The following ATG10 variants were observed in gnomAD, a reference collection of about 807,000 sequenced individuals.
ATG10 encodes the protein autophagy related 10.
Under a neutral mutation model 32.1 loss-of-function variants are expected in ATG10, and 30 were observed. That is an observed-to-expected ratio of 0.94 (90% confidence interval 0.70 to 1.27). ATG10 has a LOEUF of 1.27. Ranked by LOEUF, ATG10 falls within the 50% of genes most tolerant of loss-of-function variation. The pLI, the probability that ATG10 is intolerant of heterozygous loss-of-function variation, is 0.00. For synonymous variants in ATG10, 87 were observed against 91.5 expected (o/e 0.95, Z 0.28); for missense variants, 233 against 262.3 (o/e 0.89, Z 0.77).
intron 3 of ATG10, among the ~76,000 whole-genome samples, chr5:82,138,605 A>C (rs1436870008): frequency 6.6e-6 from 1 of 152,102 alleles, no homozygotes; most frequent in Non-Finnish European, 1.5e-5. Context: ...TTGGAAATGC[A>C]GAAATCACCT....
chr5:82,135,526 G>A (rs1016266585), intron 3 of ATG10, among the ~76,000 whole-genome samples: 22 of 152,204 alleles, frequency 1.4e-4, no homozygotes, highest in African/African-American at 5.1e-4. Context: ...TTTGCATGTA[G>A]TTGTGTGGTT....
chr5:82,010,861 G>A lies in ATG10; in HGVS notation c.108+23183G>A, dbSNP rs577270892. 5.3e-5 allele frequency among the ~76,000 whole-genome samples: 8 copies of A among 152,142 alleles called. No homozygotes were observed. In the South Asian group the frequency reaches 1.7e-3, roughly 31 times the overall value. ...CAATTGCTTGTGTTCTAGTTTTACA[G>A]CATTCTTTTTATGCACACAGTGTTC... is the stretch of plus-strand genomic sequence containing the variant. On this transcript the variant is annotated intron_variant, in intron 2 of 7. Transcript: ENST00000282185.
At chr5:82,131,122 G>C (rs1766502140) in intron 3 of ATG10, among the ~76,000 whole-genome samples, 1 of 152,108 alleles carries the variant, frequency 6.6e-6, no homozygotes, top group South Asian at 2.1e-4. Flanking sequence ...AGGAACTACT[G>C]CCTGGGTCAC....
At chr5:82,091,852 G>A (rs72776864) in intron 3 of ATG10, among the ~76,000 whole-genome samples, 3,989 of 152,232 alleles carry the variant, frequency 0.026, 77 homozygotes, top group Middle Eastern at 0.044. Flanking sequence ...TCAGGGAGCT[G>A]TAGAAACCAT....
chr5:81,972,563 C>T (rs913722862), intron 1 of ATG10: 1 of 152,242 alleles, frequency 6.6e-6, no homozygotes, highest in Non-Finnish European at 1.5e-5. Flanking sequence ...CACCAGCACA[C>T]CTGGCCCAGT....
intron 2 of ATG10, among the ~76,000 whole-genome samples, chr5:82,017,104 T>C (rs953195921): frequency 6.6e-6 from 1 of 152,168 alleles, no homozygotes; most frequent in East Asian, 1.9e-4. Flanking sequence ...TAGTTTTCCT[T>C]GTAGAGATCT....
intron 3 of ATG10, among the ~76,000 whole-genome samples, chr5:82,100,125 C>T (rs1462256376): frequency 1.4e-5 from 2 of 142,968 alleles, no homozygotes; most frequent in Admixed American, 1.5e-4. Context: ...TCTCCTGCTT[C>T]AGACTCCTGA....
chr5:82,102,635 CTTT>C (rs1200960581), intron 3 of ATG10, among the ~76,000 whole-genome samples: 6 of 152,252 alleles, frequency 3.9e-5, no homozygotes, highest in African/African-American at 1.2e-4. Flanking sequence ...GAGTTGGGCT[CTTT>C]TAAAGACTTA....
At chr5:82,061,791 T>C (rs1056547873) in intron 3 of ATG10, among the ~76,000 whole-genome samples, 2 of 134,424 alleles carry the variant, frequency 1.5e-5, no homozygotes, top group South Asian at 2.4e-4. Context: ...TATATATATA[T>C]ACGTATACAT....
chr5:82,046,553 T>G (rs1273975384), intron 2 of ATG10, among the ~76,000 whole-genome samples: 1 of 152,126 alleles, frequency 6.6e-6, no homozygotes, highest in Non-Finnish European at 1.5e-5. Context: ...AAAGCAAATG[T>G]TTGTTGTTTT....
rs932670403 is a variant in ATG10 at position 82,026,209 on chromosome 5, G to A, written c.109-32286G>A. Among the ~76,000 whole-genome samples the A allele has an allele frequency of 1.7e-4, 26 of 151,986 alleles. 1 individual carries two copies. Among genetic ancestry groups the A allele is most frequent in the Admixed American group, 1.4e-3 (22 of 15,242 alleles). On this transcript the variant is annotated intron_variant, in intron 2 of 7. Coordinates refer to ENST00000282185, the MANE Select transcript of ATG10 (RefSeq NM_031482.5). The stretch of plus-strand genomic sequence containing the variant: ...TGTCTCTGTGAATTTGACTACTTTC[G>A]GTAACTCATATAAATGGATTCATAT...
intron 5 of ATG10, among the ~76,000 whole-genome samples, chr5:82,200,926 G>A (rs948017016): frequency 4.7e-5 from 7 of 149,622 alleles, no homozygotes; most frequent in Admixed American, 4.7e-4. Context: ...GTCTCTCTCT[G>A]TCACCCAGGC....
intron 3 of ATG10, among the ~76,000 whole-genome samples, chr5:82,061,104 C>T (rs572852002): frequency 1.3e-5 from 2 of 152,212 alleles, no homozygotes; most frequent in South Asian, 2.1e-4. Flanking sequence ...TGTAAGCTTC[C>T]ATTACTGCTG....
chr5:82,039,322 A>T (rs1325340826), intron 2 of ATG10, among the ~76,000 whole-genome samples: 1 of 152,210 alleles, frequency 6.6e-6, no homozygotes, highest in Admixed American at 6.5e-5. Context: ...GGAGAGAAGC[A>T]GGGAATTAAG....
Position 82,204,987 on chromosome 5 carries a change from A to G in ATG10, c.453+26400A>G, listed in dbSNP as rs538058225. 1.1e-4 allele frequency among the ~76,000 whole-genome samples: 17 copies of G among 152,346 alleles called. No homozygotes were observed. In the East Asian group the frequency reaches 2.5e-3, roughly 22 times the overall value. ...AAAAATAGCCTAAGAGATAATTTTG[A>G]AGCATATCATCATTTAAAAGAACAG... On this transcript the variant is annotated intron_variant, in intron 5 of 7. Coordinates refer to ENST00000282185, the MANE Select transcript of ATG10 (RefSeq NM_031482.5).
At chr5:82,189,817 G>T (rs946267821) in intron 5 of ATG10, among the ~76,000 whole-genome samples, 2 of 151,982 alleles carry the variant, frequency 1.3e-5, no homozygotes, top group East Asian at 1.9e-4. Context: ...TAGAGATGGG[G>T]TTTCACCATG....
intron 2 of ATG10, among the ~76,000 whole-genome samples, chr5:82,017,925 CATA>C (rs1334042391): frequency 6.6e-6 from 1 of 152,128 alleles, no homozygotes; most frequent in Admixed American, 6.5e-5. Flanking sequence ...CCCACAGTCT[CATA>C]ATATTAGTGC....
chr5:82,009,767 G>A (rs80340327), intron 2 of ATG10: 1 of 1,606,342 alleles, frequency 6.2e-7, no homozygotes, highest in South Asian at 1.1e-5. Flanking sequence ...AAAACTGGGA[G>A]CCATTTGTGT....
chr5:82,188,923 T>G (rs1744556200), intron 5 of ATG10, among the ~76,000 whole-genome samples: 1 of 152,224 alleles, frequency 6.6e-6, no homozygotes, highest in Non-Finnish European at 1.5e-5. Context: ...TGTCATTTTC[T>G]CTGGTTCTCT....
Sources: allele counts gnomAD v4.1 joint callset (sites outside exome capture counted in the v4.1 genomes callset), GRCh38; gene constraint gnomAD v4.1.1; transcripts MANE v1.5; gene names NCBI Gene and HGNC (gene_info 2026-07-23, HGNC 2026-07-21).